The following ZNF682 variants were observed in gnomAD, a reference collection of about 807,000 sequenced individuals.
ZNF682 encodes the protein zinc finger protein 682.
ZNF682 carries 29 observed loss-of-function variants against 36.5 expected under a neutral mutation model. The ratio of observed to expected loss-of-function variants is 0.80; its 90% CI spans 0.59 to 1.08. ZNF682 has a LOEUF of 1.08. Ranked by LOEUF, ZNF682 falls within the 50% of genes least tolerant of loss-of-function variation. The pLI is 0.00. For missense variants in ZNF682, 561 were observed against 579.7 expected (o/e 0.97, Z 0.33); for synonymous variants, 180 against 197.0 (o/e 0.91, Z 0.72).
At chr19:20,028,113 G>T (rs1001186142) in intron 1 of ZNF682, among the ~76,000 whole-genome samples, 3 of 152,208 alleles carry the variant, frequency 2.0e-5, no homozygotes, top group Non-Finnish European at 4.4e-5. Flanking sequence ...TAACTAGAAT[G>T]TGATGAGCTG....
chr19:20,032,663 C>A (rs116258939), intron 1 of ZNF682, among the ~76,000 whole-genome samples: 178 of 152,254 alleles, frequency 1.2e-3, no homozygotes, highest in African/African-American at 4.1e-3. Context: ...GAAAAACTCT[C>A]CACAATGGCA....
At chr19:20,020,346 A>G (rs2122353334) in intron 3 of ZNF682, among the ~76,000 whole-genome samples, 2 of 152,122 alleles carry the variant, frequency 1.3e-5, no homozygotes, top group South Asian at 4.2e-4. Flanking sequence ...AAAATACAAA[A>G]ATTAGCTGGG....
At chr19:20,019,896 G>A (rs1430146964) in intron 3 of ZNF682, among the ~76,000 whole-genome samples, 1 of 151,932 alleles carries the variant, frequency 6.6e-6, no homozygotes, top group Non-Finnish European at 1.5e-5. Context: ...GGTTGCACTT[G>A]TACCCCACAA....
Position 20,019,987 on chromosome 19 carries a change from G to A in ZNF682, c.226+3017C>T, listed in dbSNP as rs1226386831. On this transcript the variant is annotated intron_variant, in intron 3 of 3. Transcript: ENST00000397165. ...AGCATTTTGGGAATCTGAGGTAAGA[G>A]GACTGCTTGAGCCCAGGAGTTCAAG... 1.6e-4 allele frequency among the ~76,000 whole-genome samples: 24 copies of A among 149,952 alleles called. No homozygotes were observed. In the Admixed American group the frequency reaches 1.6e-3, roughly 10 times the overall value.
At chr19:20,029,926 G>A (rs1364207793) in intron 1 of ZNF682, among the ~76,000 whole-genome samples, 1 of 152,200 alleles carries the variant, frequency 6.6e-6, no homozygotes, top group Non-Finnish European at 1.5e-5. Flanking sequence ...GGCAGCAGGA[G>A]CCAAACTCTG....
chr19:20,014,290 T>C (rs1380422346), intron 3 of ZNF682, among the ~76,000 whole-genome samples: 2 of 152,058 alleles, frequency 1.3e-5, no homozygotes, highest in East Asian at 3.9e-4. Context: ...ATTAGACCAA[T>C]GAAAAAGAAT....
At chr19:20,035,923 A>G (rs984322947) in intron 1 of ZNF682, among the ~76,000 whole-genome samples, 2 of 152,028 alleles carry the variant, frequency 1.3e-5, no homozygotes, top group Non-Finnish European at 2.9e-5. Context: ...TTTAGTAGAA[A>G]CGAAGTCTCA....
downstream of ZNF682, among the ~76,000 whole-genome samples, chr19:20,003,078 C>G (rs2088180483): frequency 6.7e-6 from 1 of 148,628 alleles, no homozygotes; most frequent in African/African-American, 2.5e-5. Flanking sequence ...GTAGTCCCAG[C>G]TACTCGGGAG....
intron 3 of ZNF682, among the ~76,000 whole-genome samples, chr19:20,016,812 A>C (rs1275122729): frequency 6.6e-6 from 1 of 152,186 alleles, no homozygotes; most frequent in African/African-American, 2.4e-5. Context: ...ATATACACAG[A>C]TCTACAATTC....
intron 3 of ZNF682, among the ~76,000 whole-genome samples, chr19:19,998,168 G>A (rs2088139501): frequency 6.6e-6 from 1 of 152,156 alleles, no homozygotes; most frequent in South Asian, 2.1e-4. Flanking sequence ...AAACACTAAA[G>A]CAAGTATACG....
Position 20,007,471 on chromosome 19 carries a change from C to G in ZNF682, c.227-196G>C, listed in dbSNP as rs138136661. 158 of 535,048 alleles carry G rather than the reference C, an allele frequency of 3.0e-4. 1 individual carries two copies. The East Asian group carries it at 3.5e-3, about 12-fold the overall frequency. 33.1% of individuals were successfully genotyped at this position (535,048 alleles called of 1,614,324 possible). On this transcript the variant is annotated intron_variant, in intron 3 of 3. Transcript: ENST00000397165. ...TTTAAACAGATCTTTTGAGAAAAAG[C>G]TTAATTCAGAGGTAATGCAGAAACT...
At position 20,038,789 on chromosome 19, in the gene ZNF682, G is replaced by A. The variant is rs374020931; in HGVS notation, c.3+554C>T. On this transcript the variant is annotated intron_variant, in intron 1 of 3. Coordinates refer to ENST00000397165, the MANE Select transcript of ZNF682 (RefSeq NM_033196.3). Reference sequence around the variant, plus strand: ...TAAGATGACTACATAACTGGAACGAGTCAGTTACTGAATTCGGTTTGCTTC... The same window carrying A: ...TAAGATGACTACATAACTGGAACGAATCAGTTACTGAATTCGGTTTGCTTC... Among the ~76,000 whole-genome samples, 9 of 152,136 alleles carry A rather than the reference G, an allele frequency of 5.9e-5. No homozygotes were observed. In the East Asian group the frequency reaches 7.7e-4, roughly 13 times the overall value.
intron 3 of ZNF682, among the ~76,000 whole-genome samples, chr19:20,009,467 C>T (rs1200577264): frequency 6.6e-6 from 1 of 152,088 alleles, no homozygotes; most frequent in Non-Finnish European, 1.5e-5. Flanking sequence ...AGGATATAAT[C>T]TACGAAAAAT....
chr19:20,017,792 AC>A (rs1269821425), intron 3 of ZNF682, among the ~76,000 whole-genome samples: 2 of 152,190 alleles, frequency 1.3e-5, no homozygotes, highest in African/African-American at 4.8e-5. Context: ...CTGTTAGGAC[AC>A]ATAACAAGTC....
intron 2 of ZNF682, 52 bp from the exon 3 acceptor site, chr19:20,023,151 C>A: frequency 6.7e-7 from 1 of 1,500,232 alleles, no homozygotes; most frequent in Non-Finnish European, 9.3e-7. Flanking sequence ...CTCCAATTAC[C>A]AACCTAGTGT....
At chr19:20,016,354 A>C (rs1304501623) in intron 3 of ZNF682, among the ~76,000 whole-genome samples, 1 of 152,234 alleles carries the variant, frequency 6.6e-6, no homozygotes, top group Non-Finnish European at 1.5e-5. Context: ...ATTTTTGAGA[A>C]ATGAAGATCC....
exon 4 of ZNF682, chr19:19,997,203 C>A (rs2088133248): frequency 1.0e-5 from 4 of 398,800 alleles, no homozygotes; most frequent in Non-Finnish European, 1.3e-5. Context: ...CAGCTGGGGT[C>A]ATCTCCAGGT....
intron 3 of ZNF682, among the ~76,000 whole-genome samples, chr19:20,012,795 A>T (rs2088302269): frequency 6.6e-6 from 1 of 151,466 alleles, no homozygotes; most frequent in Admixed American, 6.6e-5. Context: ...AAGAAATTTA[A>T]ATCAACAAGA....
At chr19:20,033,306 C>G (rs1426174414) in intron 1 of ZNF682, 1 of 152,314 alleles carries the variant, frequency 6.6e-6, no homozygotes, top group Non-Finnish European at 1.5e-5. Context: ...GAAGAGGGAT[C>G]TATGTTCTTG....
Sources: allele counts gnomAD v4.1 joint callset (sites outside exome capture counted in the v4.1 genomes callset), GRCh38; gene constraint gnomAD v4.1.1; transcripts MANE v1.5; gene names NCBI Gene and HGNC (gene_info 2026-07-23, HGNC 2026-07-21).